The following RCAN2 variants were observed in gnomAD, a reference collection of about 807,000 sequenced individuals.
The protein encoded by RCAN2 is calcipressin-2.
In RCAN2, 9 loss-of-function variants were observed where a neutral mutation model predicts 23.6. That is an observed-to-expected ratio of 0.38 (90% CI 0.23 to 0.67). RCAN2 has a LOEUF of 0.67. Among genes scored for constraint, RCAN2 ranks in the 30% least tolerant of loss-of-function variants. The probability of loss-of-function intolerance (pLI) is 0.51; values close to 1 mark genes in which losing one functional copy is unlikely to be tolerated. For synonymous variants in RCAN2, 109 were observed against 115.7 expected (o/e 0.94, Z 0.37); for missense variants, 273 against 302.3 (o/e 0.90, Z 0.72).
intron 2 of RCAN2, among the ~76,000 whole-genome samples, chr6:46,263,521 A>ATGTGTGTGTGTG (rs1166873309): frequency 1.5e-4 from 16 of 105,018 alleles, no homozygotes; most frequent in South Asian, 3.2e-4. Context: ...GTATGTGTGT[A>ATGTGTGTGTGTG]TGTGTGTGTG....
chr6:46,281,524 A>T (rs973652495), intron 2 of RCAN2, among the ~76,000 whole-genome samples: 7 of 152,230 alleles, frequency 4.6e-5, no homozygotes, highest in Non-Finnish European at 1.0e-4. Context: ...ACAAGTGAAA[A>T]GGGAGATTTG....
chr6:46,437,298 A>G (rs1309768657), intron 2 of RCAN2, among the ~76,000 whole-genome samples: 1 of 152,220 alleles, frequency 6.6e-6, no homozygotes, highest in Non-Finnish European at 1.5e-5. Context: ...TTAGTTTAAC[A>G]TGGTATAATA....
chr6:46,355,322 C>G (rs1192735480), intron 2 of RCAN2, among the ~76,000 whole-genome samples: 1 of 152,136 alleles, frequency 6.6e-6, no homozygotes, highest in Non-Finnish European at 1.5e-5. Context: ...GCTCATGGAT[C>G]ACTAGTAAGT....
At chr6:46,260,409 T>C (rs559979200) in intron 2 of RCAN2, among the ~76,000 whole-genome samples, 29 of 152,306 alleles carry the variant, frequency 1.9e-4, no homozygotes, top group Admixed American at 1.8e-3. Context: ...CTATTATAGA[T>C]GGCTGAGTAC....
At chr6:46,438,964 T>TTGTATA (rs1290243596) in intron 2 of RCAN2, among the ~76,000 whole-genome samples, 1 of 152,254 alleles carries the variant, frequency 6.6e-6, no homozygotes, top group Non-Finnish European at 1.5e-5. Flanking sequence ...GGTACTTATA[T>TTGTATA]TGTATATCTT....
Position 46,223,019 on chromosome 6 carries a change from A to G in RCAN2, c.*122T>C. ...GCCCTTTTGTCCGAGAGGCTTGATAACAAGGAAGGAATCTCAAACAACCAA... is the reference window on the plus strand; with the variant it reads ...GCCCTTTTGTCCGAGAGGCTTGATAGCAAGGAAGGAATCTCAAACAACCAA... On this transcript the variant is annotated 3_prime_UTR_variant, in exon 5 of 5. Transcript: ENST00000371374. 7 of 1,020,030 alleles carry G rather than the reference A, an allele frequency of 6.9e-6. No homozygotes were observed. Among genetic ancestry groups the G allele is most frequent in the Non-Finnish European group, 1.0e-5 (7 of 681,612 alleles). The allele number at this position is 1,020,030 out of a possible 1,614,324, so 63.2% of individuals were successfully genotyped here.
chr6:46,400,586 G>C (rs113645923), intron 2 of RCAN2, among the ~76,000 whole-genome samples: 4,833 of 152,258 alleles, frequency 0.032, 246 homozygotes, highest in African/African-American at 0.11. Flanking sequence ...CTCTCAGTAC[G>C]CAGGCCACAA....
intron 2 of RCAN2, among the ~76,000 whole-genome samples, chr6:46,260,470 G>A (rs1767072940): frequency 6.6e-6 from 1 of 152,046 alleles, no homozygotes; most frequent in African/African-American, 2.4e-5. Flanking sequence ...TGGAGACTGA[G>A]GAAGAGGAGC....
chr6:46,396,016 CA>C (rs1378824477), intron 2 of RCAN2, among the ~76,000 whole-genome samples: 6 of 152,192 alleles, frequency 3.9e-5, no homozygotes, highest in Non-Finnish European at 8.8e-5. Context: ...GCTTTACCTT[CA>C]ATCAATTTTT....
At chr6:46,396,617 C>T (rs1416233813) in intron 2 of RCAN2, among the ~76,000 whole-genome samples, 2 of 152,154 alleles carry the variant, frequency 1.3e-5, no homozygotes, top group Admixed American at 1.3e-4. Context: ...TGGTAATTTG[C>T]AGCTGGTGTC....
At chr6:46,458,788 A>G (rs1255795250) in intron 1 of RCAN2, among the ~76,000 whole-genome samples, 1 of 152,206 alleles carries the variant, frequency 6.6e-6, no homozygotes, top group Non-Finnish European at 1.5e-5. Context: ...ACACCTAATT[A>G]CCGTCATTTA....
chr6:46,419,676 A>G (rs1240299926), intron 2 of RCAN2, among the ~76,000 whole-genome samples: 5 of 152,210 alleles, frequency 3.3e-5, no homozygotes, highest in African/African-American at 1.2e-4. Flanking sequence ...TGAAAATCAT[A>G]TCTCATGGAA....
chr6:46,430,680 T>C (rs1040161620), intron 2 of RCAN2, among the ~76,000 whole-genome samples: 1 of 152,248 alleles, frequency 6.6e-6, no homozygotes, highest in Admixed American at 6.5e-5. Flanking sequence ...TTCACTTTTA[T>C]ACATTCTCAC....
chr6:46,369,574 C>T (rs181355771), intron 2 of RCAN2, among the ~76,000 whole-genome samples: 127 of 152,144 alleles, frequency 8.3e-4, no homozygotes, highest in African/African-American at 2.7e-3. Context: ...ATGGGACCAC[C>T]GTCATACATG....
At chr6:46,358,988 G>A (rs577032209) in intron 2 of RCAN2, among the ~76,000 whole-genome samples, 1 of 152,330 alleles carries the variant, frequency 6.6e-6, no homozygotes, top group South Asian at 2.1e-4. Flanking sequence ...GAGTCCCACA[G>A]TTTATTCCAT....
chr6:46,474,980 G>A (rs1223546394), intron 1 of RCAN2, among the ~76,000 whole-genome samples: 1 of 152,228 alleles, frequency 6.6e-6, no homozygotes, highest in Non-Finnish European at 1.5e-5. Context: ...GGAAGTTGCT[G>A]TATGCATTTT....
At chr6:46,378,189 T>C (rs1338187242) in intron 2 of RCAN2, among the ~76,000 whole-genome samples, 1 of 152,172 alleles carries the variant, frequency 6.6e-6, no homozygotes, top group African/African-American at 2.4e-5. Context: ...GGTCTCATGA[T>C]TTGTTGGTAA....
At chr6:46,388,125 G>A (rs1196386631) in intron 2 of RCAN2, among the ~76,000 whole-genome samples, 1 of 151,792 alleles carries the variant, frequency 6.6e-6, no homozygotes, top group African/African-American at 2.4e-5. Context: ...AGGGGGGAGG[G>A]AAAGCATTAG....
chr6:46,295,968 T>A (rs1328492768), intron 2 of RCAN2, among the ~76,000 whole-genome samples: 4 of 151,990 alleles, frequency 2.6e-5, no homozygotes, highest in Non-Finnish European at 5.9e-5. Context: ...CTTTTTTTTT[T>A]TTTTAACAGC....
Sources: allele counts gnomAD v4.1 joint callset (sites outside exome capture counted in the v4.1 genomes callset), GRCh38; gene constraint gnomAD v4.1.1; transcripts MANE v1.5; gene names NCBI Gene and HGNC (gene_info 2026-07-23, HGNC 2026-07-21).